KCNH5: variants seen among roughly 807,000 people sequenced by gnomAD.
KCNH5 encodes the protein voltage-gated delayed rectifier potassium channel KCNH5.
A neutral mutation model predicts 96.1 loss-of-function variants in KCNH5; 46 were observed. The ratio of observed to expected loss-of-function variants is 0.48; its 90% CI spans 0.38 to 0.61. KCNH5 has a LOEUF of 0.61. KCNH5 is among the 20% of genes least tolerant of loss of function. The pLI is 0.00. For missense variants in KCNH5, 907 were observed against 1,225.8 expected (o/e 0.74, Z 3.88); for synonymous variants, 439 against 449.8 (o/e 0.98, Z 0.30).
intron 1 of KCNH5, among the ~76,000 whole-genome samples, chr14:63,021,722 CT>C (rs1891430690): frequency 6.6e-6 from 1 of 152,054 alleles, no homozygotes; most frequent in South Asian, 2.1e-4. Flanking sequence ...CCAATAACCT[CT>C]CCCTATCGCC....
intron 6 of KCNH5, among the ~76,000 whole-genome samples, chr14:62,950,979 T>C (rs1889994743): frequency 6.6e-6 from 1 of 152,232 alleles, no homozygotes; most frequent in Admixed American, 6.6e-5. Flanking sequence ...TCTTTTCATT[T>C]CTTATTTTAT....
In KCNH5 at chr14:62,702,392, C is replaced by T. The variant is rs1230523983; in HGVS notation, c.*5116G>A. ...CTTTAAAAGTATGTGTCTGGAAAAA[C>T]CTAGACTAGATGGTTGAACTAGATA... On this transcript the variant is annotated 3_prime_UTR_variant, in exon 11 of 11. Transcript: ENST00000322893. The T allele has an allele frequency of 6.6e-6, 1 of 151,968 alleles. No homozygotes were observed. The highest frequency in any genetic ancestry group is 2.4e-5 in the African/African-American group (1 of 41,408). 9.4% of individuals were successfully genotyped at this position (151,968 alleles called of 1,614,324 possible).
At chr14:62,926,821 A>C (rs529855216) in intron 7 of KCNH5, among the ~76,000 whole-genome samples, 1 of 152,190 alleles carries the variant, frequency 6.6e-6, no homozygotes, top group East Asian at 1.9e-4. Flanking sequence ...GATTTAACAC[A>C]TGAAATTGAG....
intron 7 of KCNH5, among the ~76,000 whole-genome samples, chr14:62,873,885 A>T (rs923816192): frequency 6.6e-6 from 1 of 152,212 alleles, no homozygotes; most frequent in South Asian, 2.1e-4. Context: ...CCATGCTCCA[A>T]GGACTGATCT....
chr14:62,755,365 C>T (rs1266829062), intron 10 of KCNH5, among the ~76,000 whole-genome samples: 1 of 152,050 alleles, frequency 6.6e-6, no homozygotes, highest in Non-Finnish European at 1.5e-5. Context: ...ACACATACGA[C>T]CTGCAAATAC....
In KCNH5 at chr14:62,707,339, C is replaced by A; in HGVS notation, c.*169G>T. 2.7e-6 allele frequency: 1 copy of A among 370,686 alleles called. No homozygotes were observed. The highest frequency in any genetic ancestry group is 4.7e-6 in the Non-Finnish European group (1 of 213,190). 23.0% of individuals were successfully genotyped at this position (370,686 alleles called of 1,614,324 possible). ...AAGCAATATCTATGTTTTTAATCAT[C>A]ATCTTCTTTGGCAGGCCAGAATCCA... is the stretch of plus-strand genomic sequence containing the variant. On this transcript the variant is annotated 3_prime_UTR_variant, in exon 11 of 11. Transcript: ENST00000322893.
intron 6 of KCNH5, among the ~76,000 whole-genome samples, chr14:62,979,988 A>T (rs1262744666): frequency 6.6e-6 from 1 of 152,200 alleles, no homozygotes; most frequent in Non-Finnish European, 1.5e-5. Flanking sequence ...AGGTGATTAG[A>T]TTATGGGGGC....
At chr14:62,941,965 C>G (rs1012951803) in intron 7 of KCNH5, among the ~76,000 whole-genome samples, 3 of 152,140 alleles carry the variant, frequency 2.0e-5, no homozygotes, top group African/African-American at 7.2e-5. Context: ...TCCTAGCTGC[C>G]TAATTTCTAT....
chr14:62,769,358 A>G (rs1236143012), intron 10 of KCNH5, among the ~76,000 whole-genome samples: 1 of 152,094 alleles, frequency 6.6e-6, no homozygotes, highest in Non-Finnish European at 1.5e-5. Context: ...AGGTAATGAG[A>G]GTTATATCTA....
intron 7 of KCNH5, among the ~76,000 whole-genome samples, chr14:62,886,082 C>G (rs957135232): frequency 1.3e-5 from 2 of 151,236 alleles, no homozygotes; most frequent in East Asian, 1.9e-4. Flanking sequence ...TTTGTTCATG[C>G]TGAACACTTC....
At chr14:62,909,337 G>A (rs1466423436) in intron 7 of KCNH5, among the ~76,000 whole-genome samples, 2 of 152,144 alleles carry the variant, frequency 1.3e-5, no homozygotes, top group African/African-American at 2.4e-5. Flanking sequence ...GAGCCACCGC[G>A]CCCGGCCTAT....
At chr14:62,893,455 T>C (rs970567749) in intron 7 of KCNH5, among the ~76,000 whole-genome samples, 1 of 152,166 alleles carries the variant, frequency 6.6e-6, no homozygotes, top group Non-Finnish European at 1.5e-5. Context: ...TAACATAAGA[T>C]TTAGAATAGT....
At chr14:62,946,618 C>T (rs1336425896) in intron 7 of KCNH5, among the ~76,000 whole-genome samples, 1 of 151,844 alleles carries the variant, frequency 6.6e-6, no homozygotes, top group Non-Finnish European at 1.5e-5. Flanking sequence ...CAACCCATCA[C>T]CTAGGTATTA....
intron 10 of KCNH5, among the ~76,000 whole-genome samples, chr14:62,770,972 G>T (rs1206681439): frequency 6.6e-6 from 1 of 152,142 alleles, no homozygotes; most frequent in Non-Finnish European, 1.5e-5. Context: ...AAGGTTACGT[G>T]AGGTCATAAT....
intron 7 of KCNH5, among the ~76,000 whole-genome samples, chr14:62,937,584 G>A (rs979157094): frequency 6.6e-6 from 1 of 152,202 alleles, no homozygotes; most frequent in East Asian, 1.9e-4. Context: ...GCCATCTGCT[G>A]CAATGAAGAT....
chr14:62,876,046 A>G (rs1454645497), intron 7 of KCNH5, among the ~76,000 whole-genome samples: 1 of 152,170 alleles, frequency 6.6e-6, no homozygotes, highest in East Asian at 1.9e-4. Flanking sequence ...ATGTGCCTGT[A>G]ATCCCAGCTA....
intron 7 of KCNH5, among the ~76,000 whole-genome samples, chr14:62,946,318 C>A (rs903698468): frequency 6.6e-6 from 1 of 152,002 alleles, no homozygotes; most frequent in African/African-American, 2.4e-5. Context: ...TCCTACAATT[C>A]TCTTATGAAA....
intron 6 of KCNH5, among the ~76,000 whole-genome samples, chr14:62,958,421 A>G (rs577855505): frequency 2.6e-5 from 4 of 152,224 alleles, no homozygotes; most frequent in African/African-American, 9.6e-5. Context: ...TTCTCCTCAG[A>G]CACCCACTTT....
intron 9 of KCNH5, among the ~76,000 whole-genome samples, chr14:62,785,300 A>G (rs1414222242): frequency 6.6e-6 from 1 of 152,242 alleles, no homozygotes; most frequent in Non-Finnish European, 1.5e-5. Flanking sequence ...CCCAGAAATC[A>G]TAGGCTGTGA....
Sources: gnomAD v4.1 joint callset for allele counts (sites outside exome capture counted in the v4.1 genomes callset) on GRCh38, gnomAD v4.1.1 for gene constraint, MANE v1.5 for transcripts, NCBI Gene and HGNC (gene_info 2026-07-23, HGNC 2026-07-21) for gene names.